Variants in CNTN6 observed in about 807,000 individuals in gnomAD.
The protein encoded by CNTN6 is contactin 6.
A neutral mutation model predicts 122.8 loss-of-function variants in CNTN6; 137 were observed. The ratio of observed to expected loss-of-function variants is 1.12; its 90% CI spans 0.97 to 1.29. CNTN6 has a LOEUF of 1.29. Among genes scored for constraint, CNTN6 ranks in the 50% most tolerant of loss-of-function variants. CNTN6 has a pLI of 0.00. For missense variants in CNTN6, 1,634 were observed against 1,223.4 expected, an observed-to-expected ratio of 1.34 and a Z score of -5.01; for synonymous variants, 570 against 426.0, an observed-to-expected ratio of 1.34 and a Z score of -4.16.
intron 2 of CNTN6, among the ~76,000 whole-genome samples, chr3:1,151,911 A>G (rs1470333390): frequency 2.6e-5 from 4 of 152,218 alleles, no homozygotes; most frequent in Non-Finnish European, 4.4e-5. Context: ...GAAGGAAAAA[A>G]AAATCAAGAG....
intron 7 of CNTN6, among the ~76,000 whole-genome samples, chr3:1,308,875 C>G (rs1252872753): frequency 6.6e-6 from 1 of 152,094 alleles, no homozygotes; most frequent in African/African-American, 2.4e-5. Context: ...TGGTAATTCT[C>G]TAACGGCAAA....
At chr3:1,141,082 T>C (rs1055818936) in intron 1 of CNTN6, among the ~76,000 whole-genome samples, 5 of 152,184 alleles carry the variant, frequency 3.3e-5, no homozygotes, top group Non-Finnish European at 7.3e-5. Context: ...AGCTTAAAAG[T>C]AAATAACTCC....
At chr3:1,132,658 A>AAAAT (rs71303111) in intron 1 of CNTN6, among the ~76,000 whole-genome samples, 35,420 of 144,292 alleles carry the variant, frequency 0.25, 4,534 homozygotes, top group Middle Eastern at 0.33. Flanking sequence ...CTCTGTCTAA[A>AAAAT]AAATAAATAA....
At chr3:1,247,511 A>G (rs2125648268) in intron 4 of CNTN6, among the ~76,000 whole-genome samples, 1 of 152,324 alleles carries the variant, frequency 6.6e-6, no homozygotes, top group East Asian at 1.9e-4. Context: ...ATCCAAAGAG[A>G]ACCAGAGGAG....
rs943994285 is a variant in CNTN6, at chr3:1,214,846, C to A, written c.56-5841C>A. On this transcript the variant is annotated intron_variant, in intron 2 of 22. Transcript: ENST00000446702. Reference sequence around the variant, plus strand: ...ATCATAGTTCACTGCAGCCTCAAATCCCTGGGCTCAAGTGATTCTCTCACT... The same window carrying A: ...ATCATAGTTCACTGCAGCCTCAAATACCTGGGCTCAAGTGATTCTCTCACT... 5.9e-5 allele frequency among the ~76,000 whole-genome samples: 9 copies of A among 152,108 alleles called. 1 individual carries two copies. In the South Asian group the frequency reaches 1.9e-3, roughly 32 times the overall value.
intron 1 of CNTN6, among the ~76,000 whole-genome samples, chr3:1,122,129 A>G (rs2091970531): frequency 6.6e-6 from 1 of 152,022 alleles, no homozygotes; most frequent in African/African-American, 2.4e-5. Context: ...TAAAAACTAT[A>G]TAAATGTCTT....
chr3:1,148,687 G>A (rs1486364995), intron 2 of CNTN6, among the ~76,000 whole-genome samples: 1 of 152,160 alleles, frequency 6.6e-6, no homozygotes, highest in Non-Finnish European at 1.5e-5. Flanking sequence ...CGCCAAATGT[G>A]AGTGTAATAA....
chr3:1,260,279 T>A (rs2094823878), intron 4 of CNTN6, among the ~76,000 whole-genome samples: 1 of 152,156 alleles, frequency 6.6e-6, no homozygotes, highest in Admixed American at 6.6e-5. Flanking sequence ...ATTGCCTGTG[T>A]GCCTGTGGCT....
intron 1 of CNTN6, among the ~76,000 whole-genome samples, chr3:1,101,619 A>G (rs2090901901): frequency 6.6e-6 from 1 of 152,098 alleles, no homozygotes; most frequent in African/African-American, 2.4e-5. Flanking sequence ...ACATTTGCTA[A>G]TTTTTTTCTG....
At chr3:1,210,237 T>C (rs1298458089) in intron 2 of CNTN6, among the ~76,000 whole-genome samples, 1 of 152,112 alleles carries the variant, frequency 6.6e-6, no homozygotes, top group East Asian at 1.9e-4. Flanking sequence ...AGAATTACTT[T>C]TCTGTTTTAT....
At chr3:1,327,013 C>G (rs549926293) in intron 9 of CNTN6, among the ~76,000 whole-genome samples, 1 of 151,988 alleles carries the variant, frequency 6.6e-6, no homozygotes, top group African/African-American at 2.4e-5. Flanking sequence ...TACTCCAACT[C>G]AAGACTCAAT....
chr3:1,392,133 T>G (rs1335932044), intron 20 of CNTN6, among the ~76,000 whole-genome samples: 3 of 152,252 alleles, frequency 2.0e-5, no homozygotes, highest in African/African-American at 7.2e-5. Context: ...GCTGGAGGCA[T>G]CACACTACCT....
rs1308264435 is a variant in CNTN6, at chr3:1,311,386, A to T, written c.762-10264A>T. On this transcript the variant is annotated intron_variant, in intron 7 of 22. Coordinates refer to ENST00000446702, the MANE Select transcript of CNTN6 (RefSeq NM_001289080.2). The stretch of plus-strand genomic sequence containing the variant: ...ATATATGTACATATAAAATGTCTTT[A>T]TATGTACATATATGTACATATAAAA... 4.2e-3 allele frequency among the ~76,000 whole-genome samples: 413 copies of T among 98,582 alleles called. 20 individuals carry two copies. Among genetic ancestry groups the T allele is most frequent in the Middle Eastern group, 0.029 (2 of 68 alleles). 64.7% of individuals were successfully genotyped at this position (98,582 alleles called of 152,430 possible).
chr3:1,110,515 A>G (rs1011005437), intron 1 of CNTN6, among the ~76,000 whole-genome samples: 2 of 152,106 alleles, frequency 1.3e-5, no homozygotes, highest in South Asian at 2.1e-4. Flanking sequence ...ACCTTTGAAC[A>G]TTTCTAAAAT....
intron 4 of CNTN6, among the ~76,000 whole-genome samples, chr3:1,272,389 A>G (rs934046842): frequency 2.6e-5 from 4 of 152,200 alleles, no homozygotes; most frequent in Non-Finnish European, 1.5e-5. Context: ...GATTGTGAGG[A>G]TTACAGGTGG....
At chr3:1,175,577 T>C (rs201171621) in intron 2 of CNTN6, among the ~76,000 whole-genome samples, 5,530 of 152,232 alleles carry the variant, frequency 0.036, 149 homozygotes, top group South Asian at 0.1. Context: ...CTAAGGATAC[T>C]CTACTATATT....
chr3:1,275,129 C>T (rs1692093543), intron 4 of CNTN6, among the ~76,000 whole-genome samples: 1 of 152,166 alleles, frequency 6.6e-6, no homozygotes, highest in Non-Finnish European at 1.5e-5. Context: ...CATTATCACC[C>T]TTCAGGCTTT....
intron 3 of CNTN6, among the ~76,000 whole-genome samples, chr3:1,226,901 T>C (rs541717867): frequency 3.7e-4 from 57 of 152,304 alleles, no homozygotes; most frequent in African/African-American, 1.3e-3. Context: ...TTTTAAAAAA[T>C]GGTCTATGTG....
intron 13 of CNTN6, 112 bp downstream of exon 13, chr3:1,372,586 T>A (rs1709207957): frequency 1.1e-6 from 1 of 944,964 alleles, no homozygotes; most frequent in Non-Finnish European, 1.6e-6. Flanking sequence ...AATCACTGAC[T>A]GTTTTTGAAG....
Sources: gnomAD v4.1 joint callset for allele counts (sites outside exome capture counted in the v4.1 genomes callset) on GRCh38, gnomAD v4.1.1 for gene constraint, MANE v1.5 for transcripts, NCBI Gene and HGNC (gene_info 2026-07-23, HGNC 2026-07-21) for gene names.